RYR1: variants seen among roughly 807,000 people sequenced by gnomAD.
RYR1 encodes the protein ryanodine receptor 1.
RYR1 carries 342 observed loss-of-function variants against 583.5 expected under a neutral mutation model. The observed-to-expected ratio is 0.59, with a 90% CI of 0.54 to 0.64. The LOEUF is 0.64. Ranked by LOEUF, RYR1 falls within the 30% of genes least tolerant of loss-of-function variation. RYR1 has a pLI of 0.00. For synonymous variants in RYR1, 2,791 were observed against 2,822.5 expected (o/e 0.99, Z 0.35); for missense variants, 6,032 against 6,917.2 (o/e 0.87, Z 4.54).
chr19:38,570,616 T>C lies in RYR1; in HGVS notation c.13669T>C (p.Ser4557Pro). ...TTCTCTTCTCTCTCAGAACTACCTG[T>C]CCCGGAACTTTTACACCCTGCGGTT... is the stretch of plus-strand genomic sequence containing the variant. ...VQRVKFLNYL[S>P]RNFYTLRFLA... Residue 4557 changes from serine (S) to proline (P), a missense_variant, in exon 94 of 106, where the codon TCC becomes CCC. By Grantham distance (74) the Ser-to-Pro change is moderately conservative. Around this residue, in one of 11 missense-constraint regions of RYR1, gnomAD observed 753 missense variants for 759.6 expected, o/e 0.99. Coordinates refer to ENST00000359596, the MANE Select transcript of RYR1 (RefSeq NM_000540.3). The C allele has an allele frequency of 1.9e-6, 3 of 1,613,832 alleles. No homozygotes were observed. The highest frequency in any genetic ancestry group is 2.5e-6 in the Non-Finnish European group (3 of 1,179,734).
chr19:38,507,647 T>C (rs930867393), intron 57 of RYR1, 65 bp from the exon 58 acceptor site: 15 of 1,056,020 alleles, frequency 1.4e-5, no homozygotes, highest in Non-Finnish European at 2.2e-5. Flanking sequence ...GAGGCGGACC[T>C]GAGAAGGGTG....
At chr19:38,517,828 C>G in intron 66 of RYR1, 137 bp downstream of exon 66, 1 of 814,624 alleles carries the variant, frequency 1.2e-6, no homozygotes. Flanking sequence ...CATCAAAAGA[C>G]CAGGGGTCAG....
intron 78 of RYR1, among the ~76,000 whole-genome samples, chr19:38,533,267 A>G (rs1971822855): frequency 6.6e-6 from 1 of 152,152 alleles, no homozygotes; most frequent in Non-Finnish European, 1.5e-5. Flanking sequence ...TAAACATGCA[A>G]TTCACCGATC....
chr19:38,557,051 C>CTTTTT lies in RYR1; in HGVS notation c.12283-4046_12283-4042dup, dbSNP rs35027525. Among the ~76,000 whole-genome samples, 539 of 108,742 alleles carry CTTTTT rather than the reference C, an allele frequency of 5.0e-3. 3 individuals carry two copies. Among genetic ancestry groups the CTTTTT allele is most frequent in the Non-Finnish European group, 5.7e-3 (335 of 58,304 alleles). The allele number at this position is 108,742 out of a possible 152,430, so 71.3% of individuals were successfully genotyped here. On this transcript the variant is annotated intron_variant, in intron 89 of 105. Transcript: ENST00000359596. ...TTGCAAAATGGCGATAGTCTCATTT[C>CTTTTT]TTTTTTTTTTTTTTTTTTTTGTGAC... is the stretch of plus-strand genomic sequence containing the variant.
At chr19:38,576,586 C>T (rs1460825234) in intron 97 of RYR1, among the ~76,000 whole-genome samples, 1 of 151,972 alleles carries the variant, frequency 6.6e-6, no homozygotes, top group African/African-American at 2.4e-5. Context: ...CCGAGGTGGG[C>T]AGATCACTTG....
Position 38,500,099 on chromosome 19 carries a change from G to T in RYR1, c.7323+83G>T. 1 of 1,194,790 alleles carries T rather than the reference G, an allele frequency of 8.4e-7. No homozygotes were observed. Among genetic ancestry groups the T allele is most frequent in the Non-Finnish European group, 1.2e-6 (1 of 815,334 alleles). 74.0% of individuals were successfully genotyped at this position (1,194,790 alleles called of 1,614,324 possible). ...GCCTCATGCAGGCACTCGGTGACAC[G>T]GAGTGAGCTCCCATATGTGGGTGGT... is the stretch of plus-strand genomic sequence containing the variant. On this transcript the variant is annotated intron_variant, in intron 45 of 105. Transcript: ENST00000359596. The surrounding 1 kb of genome is among the most constrained non-coding windows in gnomAD (Gnocchi z 5.9).
Position 38,485,675 on chromosome 19 carries a change from G to A in RYR1, c.5020G>A (p.Ala1674Thr), listed in dbSNP as rs1460141666. 5 of 1,610,610 alleles carry A rather than the reference G, an allele frequency of 3.1e-6. No individual in the cohort carries two copies. Among genetic ancestry groups the A allele is most frequent in the Non-Finnish European group, 3.4e-6 (4 of 1,179,838 alleles). Residue 1674 changes from alanine to threonine, a missense_variant, in exon 34 of 106, where the codon GCC becomes ACC. Physicochemically the swap from Ala to Thr is moderately conservative, Grantham distance 58. Coordinates refer to ENST00000359596, the MANE Select transcript of RYR1 (RefSeq NM_000540.3). ...CCTGCGCCTCTACCGCGCTGTGTGC[G>A]CCCTGGGCAACAATCGCGTGGCGCA... ...HTLRLYRAVC[A>T]LGNNRVAHAL...
intron 3 of RYR1, among the ~76,000 whole-genome samples, 181 bp downstream of exon 3, chr19:38,442,634 C>G (rs906258543): frequency 6.6e-6 from 1 of 152,224 alleles, no homozygotes; most frequent in Middle Eastern, 3.4e-3. Flanking sequence ...GTAGGTCCGG[C>G]CTTGGATGTC....
At chr19:38,504,707 T>G in intron 50 of RYR1, 41 bp from the exon 51 acceptor site, 1 of 1,593,624 alleles carries the variant, frequency 6.3e-7, no homozygotes, top group Non-Finnish European at 8.5e-7. Context: ...TCAGTAAGGC[T>G]TATAGCGACC....
At chr19:38,457,398 G>A in intron 16 of RYR1, 99 bp from the exon 17 acceptor site, 1 of 1,552,548 alleles carries the variant, frequency 6.4e-7, no homozygotes, top group Admixed American at 1.7e-5. Flanking sequence ...TTATCCCGAT[G>A]CGCTGTCCTT....
At position 38,444,577 on chromosome 19, in the gene RYR1, C is replaced by T. The variant is rs768992418; in HGVS notation, c.538-7C>T. On this transcript the variant is annotated splice_polypyrimidine_tract_variant and splice_region_variant and intron_variant, in intron 6 of 105. Coordinates refer to ENST00000359596, the MANE Select transcript of RYR1 (RefSeq NM_000540.3). The surrounding 1 kb of genome is among the most constrained non-coding windows in gnomAD (Gnocchi z 5.1). ...GTCTCTGACTGCCGCATCCTGGTGG[C>T]CCCCAGCACCTGTCGACCGCCAGTG... 7 of 1,612,000 alleles carry T rather than the reference C, an allele frequency of 4.3e-6. No individual in the cohort carries two copies. In the South Asian group the frequency reaches 4.4e-5, roughly 10 times the overall value.
At chr19:38,553,655 C>CA (rs1972760307) in intron 89 of RYR1, among the ~76,000 whole-genome samples, 1 of 151,902 alleles carries the variant, frequency 6.6e-6, no homozygotes, top group South Asian at 2.1e-4. Flanking sequence ...GACTTTGTCT[C>CA]AAAAAAACAT....
chr19:38,575,431 G>T (rs1173955907), intron 96 of RYR1, among the ~76,000 whole-genome samples: 1 of 152,186 alleles, frequency 6.6e-6, no homozygotes, highest in South Asian at 2.1e-4. Flanking sequence ...AGGCCAAGGC[G>T]GGAGGGGGGA....
intron 47 of RYR1, 69 bp from the exon 48 acceptor site, chr19:38,502,438 G>A (rs891772519): frequency 8.3e-6 from 12 of 1,441,500 alleles, no homozygotes; most frequent in East Asian, 2.4e-5. Context: ...GGCCACAGTC[G>A]CTCAAGACAG....
Position 38,486,194 on chromosome 19 carries a change from A to AATGG in RYR1, c.5539_5540insATGG (p.Thr1847AsnfsTer12). 6.2e-7 allele frequency: 1 copy of AATGG among 1,612,678 alleles called. No homozygotes were observed. The highest frequency in any genetic ancestry group is 8.5e-7 in the Non-Finnish European group (1 of 1,179,898). On this transcript the variant is annotated frameshift_variant, in exon 34 of 106. Transcript: ENST00000359596. LOFTEE classifies it high-confidence loss of function. ...TGTGCCTGTGCTCAAGCTCGTGTCC[A>AATGG]CCCTGCTGGTAATGGCTTCCTCCTG...
chr19:38,450,473 G>A (rs1204693780), intron 11 of RYR1, among the ~76,000 whole-genome samples: 1 of 152,164 alleles, frequency 6.6e-6, no homozygotes, highest in Non-Finnish European at 1.5e-5. Context: ...CACACAAAGA[G>A]TGAGGTTAAG....
chr19:38,504,751 T>C lies in RYR1; in HGVS notation c.8071T>C (p.Tyr2691His), dbSNP rs1221624769. The change falls in exon 51 of 106, where the codon TAC becomes CAC. Residue 2691 changes from tyrosine to histidine, a missense_variant. Physicochemically the swap from Tyr to His is moderately conservative, Grantham distance 83. Around this residue, in one of 11 missense-constraint regions of RYR1, gnomAD observed 1,493 missense variants for 1,715.5 expected, o/e 0.87. Coordinates refer to ENST00000359596, the MANE Select transcript of RYR1 (RefSeq NM_000540.3). ...GIFDSLAHKK[Y>H]DPELYRMAMP... is the part of the protein sequence containing the mutation. ...CTGCTTCACCCGGTTTTCCCAGAAA[T>C]ACGACCCGGAGCTGTACCGCATGGC... 6.2e-7 allele frequency: 1 copy of C among 1,614,062 alleles called. No individual in the cohort carries two copies. Among genetic ancestry groups the C allele is most frequent in the Non-Finnish European group, 8.5e-7 (1 of 1,180,014 alleles).
rs1972276625 is a variant in RYR1, at chr19:38,543,258, A to G, written c.11690-89A>G. On this transcript the variant is annotated intron_variant, in intron 84 of 105. Transcript: ENST00000359596. This position sits in a 1 kb window ranked among gnomAD's most constrained non-coding sequence, Gnocchi z 4.4. The stretch of plus-strand genomic sequence containing the variant: ...CTGGCATACAATAGGAACTCAACAC[A>G]TGAGTATTGCATAAATGAATAAATG... 1 of 1,097,712 alleles carries G rather than the reference A, an allele frequency of 9.1e-7. No individual in the cohort carries two copies. The allele number at this position is 1,097,712 out of a possible 1,614,324, so 68.0% of individuals were successfully genotyped here. A position where few individuals can be genotyped will look rare whatever the true frequency, so the allele number is the denominator to read the frequency against.
chr19:38,541,834 G>A (rs1306820103), intron 84 of RYR1, among the ~76,000 whole-genome samples: 1 of 152,024 alleles, frequency 6.6e-6, no homozygotes, highest in African/African-American at 2.4e-5. Context: ...TGTAATCCCA[G>A]CACTATGGGA....
Sources: allele counts gnomAD v4.1 joint callset (sites outside exome capture counted in the v4.1 genomes callset), GRCh38; gene constraint gnomAD v4.1.1; regional missense constraint gnomAD v4.1.1; non-coding constraint Gnocchi (gnomAD v3.1); transcripts MANE v1.5; gene names NCBI Gene and HGNC (gene_info 2026-07-23, HGNC 2026-07-21).